Variants in CLEC4D observed in about 807,000 individuals in gnomAD.
CLEC4D encodes C-type lectin domain family 4 member D, also known as C-type (calcium dependent, carbohydrate-recognition domain) lectin, superfamily member 8.
Under a neutral mutation model 21.1 loss-of-function variants are expected in CLEC4D, and 21 were observed. That is an observed-to-expected ratio of 1.00 (90% CI 0.71 to 1.43). The LOEUF (loss-of-function observed/expected upper bound fraction) is 1.43. Among genes scored for constraint, CLEC4D ranks in the 40% most tolerant of loss-of-function variants. CLEC4D has a pLI of 0.00. For missense variants in CLEC4D, 289 were observed against 260.7 expected (o/e 1.11, Z -0.75); for synonymous variants, 85 against 83.1 (o/e 1.02, Z -0.12).
At chr12:8,517,135 A>T (rs78977662) in intron 2 of CLEC4D, among the ~76,000 whole-genome samples, 2,076 of 152,256 alleles carry the variant, frequency 0.014, 49 homozygotes, top group African/African-American at 0.046. Context: ...GTGGTTACCT[A>T]TAAAGGCGAG....
chr12:8,524,431 G>A (rs891599957), downstream of CLEC4D, among the ~76,000 whole-genome samples: 9 of 152,078 alleles, frequency 5.9e-5, 1 homozygote, highest in Admixed American at 4.6e-4. Flanking sequence ...AGTCCCGGTA[G>A]GGTGTATGCA....
chr12:8,515,365 ATTATT>A, intron 2 of CLEC4D, 37 bp downstream of exon 2: 1 of 962,192 alleles, frequency 1.0e-6, no homozygotes, highest in Non-Finnish European at 1.7e-6. Flanking sequence ...TTCTTGAATT[ATTATT>A]TCCAAACAAC....
chr12:8,528,268 G>A, the CLEC4D span, among the ~76,000 whole-genome samples: 1 of 152,134 alleles, frequency 6.6e-6, no homozygotes, highest in Non-Finnish European at 1.5e-5. Context: ...TATAAAAAGA[G>A]GAAGAGGGAC....
downstream of CLEC4D, among the ~76,000 whole-genome samples, chr12:8,523,793 C>T (rs1200342755): frequency 6.6e-6 from 1 of 152,164 alleles, no homozygotes; most frequent in East Asian, 1.9e-4. Flanking sequence ...AAAGAAAATT[C>T]TTCCAGCTTT....
At chr12:8,528,301 G>A in the CLEC4D span, among the ~76,000 whole-genome samples, 1 of 152,146 alleles carries the variant, frequency 6.6e-6, no homozygotes, top group Non-Finnish European at 1.5e-5. Flanking sequence ...GTTAGCACAC[G>A]CAGCACCCTC....
At chr12:8,518,903 T>C in intron 3 of CLEC4D, 106 bp from the exon 4 acceptor site, 2 of 1,441,886 alleles carry the variant, frequency 1.4e-6, no homozygotes, top group African/African-American at 1.4e-5. Flanking sequence ...GATCTTGATA[T>C]TATTCTCACA....
At chr12:8,513,804 T>A (rs1940340517) in intron 1 of CLEC4D, 44 bp downstream of exon 1, 2 of 864,548 alleles carry the variant, frequency 2.3e-6, no homozygotes, top group Non-Finnish European at 4.0e-6. Flanking sequence ...GCAGATGGAA[T>A]TATACTAATT....
chr12:8,522,375 T>C (rs955367019), downstream of CLEC4D: 2 of 152,144 alleles, frequency 1.3e-5, no homozygotes, highest in African/African-American at 4.8e-5. Flanking sequence ...AATTTTCAAT[T>C]TGCTAATTTT....
downstream of CLEC4D, among the ~76,000 whole-genome samples, chr12:8,525,735 C>T (rs11502427): frequency 0.066 from 9,973 of 152,058 alleles, 687 homozygotes; most frequent in African/African-American, 0.18. Context: ...CATCATGATG[C>T]TATTTGGTTT....
chr12:8,514,826 G>A (rs1186954478), intron 1 of CLEC4D, among the ~76,000 whole-genome samples: 1 of 152,088 alleles, frequency 6.6e-6, no homozygotes, highest in African/African-American at 2.4e-5. Flanking sequence ...TTCCTGCTCA[G>A]AGTTTTGCTC....
At position 8,520,342 on chromosome 12, in the gene CLEC4D, G is replaced by A. The variant is rs149803492; in HGVS notation, c.500+1G>A. 5 of 1,613,474 alleles carry A rather than the reference G, an allele frequency of 3.1e-6. 1 individual carries two copies. In the South Asian group the frequency reaches 4.4e-5, roughly 14 times the overall value. ...AGACGCCATTTAACCCACGCAGAGT[G>A]TAAGTATATTGAGTGGGCTAAGGGG... On this transcript the variant is annotated splice_donor_variant, in intron 5 of 5. Coordinates refer to ENST00000299665, the MANE Select transcript of CLEC4D (RefSeq NM_080387.5). LOFTEE classifies it high-confidence loss of function.
At chr12:8,513,931 G>T (rs557921326) in intron 1 of CLEC4D, among the ~76,000 whole-genome samples, 171 bp downstream of exon 1, 1 of 151,966 alleles carries the variant, frequency 6.6e-6, no homozygotes, top group African/African-American at 2.4e-5. Flanking sequence ...AAATAAGTTG[G>T]ATAACAGAAA....
Position 8,521,617 on chromosome 12 carries a change from C to T in CLEC4D, c.*346C>T, listed in dbSNP as rs1940460997. On this transcript the variant is annotated 3_prime_UTR_variant, in exon 6 of 6. Coordinates refer to ENST00000299665, the MANE Select transcript of CLEC4D (RefSeq NM_080387.5). ...CAATCTCTTTGTCATTTTTCCCCTT[C>T]TCAGACTCTTAGCTCTTAAAATTCA... 1 of 173,930 alleles carries T rather than the reference C, an allele frequency of 5.7e-6. No individual in the cohort carries two copies. The highest frequency in any genetic ancestry group is 2.4e-5 in the African/African-American group (1 of 41,974). The allele number at this position is 173,930 out of a possible 1,614,324, so 10.8% of individuals were successfully genotyped here.
intron 5 of CLEC4D, 134 bp downstream of exon 5, chr12:8,520,475 T>C (rs2136388341): frequency 2.2e-6 from 3 of 1,367,892 alleles, no homozygotes; most frequent in Non-Finnish European, 2.9e-6. Flanking sequence ...GTAATCTCCA[T>C]ATGCTATGTC....
At position 8,513,673 on chromosome 12, in the gene CLEC4D, G is replaced by T; in HGVS notation, c.-60G>T. 1.2e-6 allele frequency: 1 copy of T among 843,676 alleles called. No individual in the cohort carries two copies. The highest frequency in any genetic ancestry group is 1.4e-5 in the South Asian group (1 of 73,126). 52.3% of individuals were successfully genotyped at this position (843,676 alleles called of 1,614,324 possible). A position where few individuals can be genotyped will look rare whatever the true frequency, so the allele number is the denominator to read the frequency against. ...CCTATCCACAGAAATATACTCTGGGGGAAAAAAAATAGAACAAATTCTTGC... is the reference window on the plus strand; with the variant it reads ...CCTATCCACAGAAATATACTCTGGGTGAAAAAAAATAGAACAAATTCTTGC... On this transcript the variant is annotated 5_prime_UTR_variant, in exon 1 of 6. Coordinates refer to ENST00000299665, the MANE Select transcript of CLEC4D (RefSeq NM_080387.5).
the CLEC4D span, among the ~76,000 whole-genome samples, chr12:8,530,618 G>A: frequency 6.6e-6 from 1 of 152,048 alleles, no homozygotes; most frequent in Non-Finnish European, 1.5e-5. Flanking sequence ...AAAAACTAGT[G>A]TGTATTTTAC....
At chr12:8,528,519 C>T in the CLEC4D span, among the ~76,000 whole-genome samples, 4 of 152,168 alleles carry the variant, frequency 2.6e-5, 1 homozygote, top group Non-Finnish European at 5.9e-5. Flanking sequence ...CTCTTTTAGT[C>T]TATTCTGAAC....
At position 8,520,215 on chromosome 12, in the gene CLEC4D, T is replaced by A. The variant is rs757059382; in HGVS notation, c.385-11T>A. On this transcript the variant is annotated splice_polypyrimidine_tract_variant and intron_variant, in intron 4 of 5. Coordinates refer to ENST00000299665, the MANE Select transcript of CLEC4D (RefSeq NM_080387.5). ...TCATGCAACTATATTAAAATTTACATTTTTATGCAGAACTTTATTATTCAG... is the reference window on the plus strand; with the variant it reads ...TCATGCAACTATATTAAAATTTACAATTTTATGCAGAACTTTATTATTCAG... The A allele has an allele frequency of 1.9e-6, 3 of 1,613,014 alleles. No individual in the cohort carries two copies. Among genetic ancestry groups the A allele is most frequent in the Admixed American group, 3.3e-5 (2 of 59,988 alleles).
intron 1 of CLEC4D, 133 bp downstream of exon 1, chr12:8,513,893 C>T (rs1038057984): frequency 4.7e-5 from 28 of 594,976 alleles, no homozygotes; most frequent in Non-Finnish European, 7.2e-5. Flanking sequence ...ATAAAAATGA[C>T]GTTGGTGAAG....
Sources: allele counts gnomAD v4.1 joint callset (sites outside exome capture counted in the v4.1 genomes callset), GRCh38; gene constraint gnomAD v4.1.1; transcripts MANE v1.5; gene names NCBI Gene and HGNC (gene_info 2026-07-23, HGNC 2026-07-21).